LRP11: variants seen among roughly 807,000 people sequenced by gnomAD.
LRP11 encodes the protein LDL receptor related protein 11.
A neutral mutation model predicts 43.1 loss-of-function variants in LRP11; 25 were observed. The ratio of observed to expected loss-of-function variants is 0.58; its 90% confidence interval spans 0.42 to 0.81. The LOEUF is 0.81. LRP11 is among the 30% of genes least tolerant of loss of function. The pLI is 0.00. For missense variants in LRP11, 623 were observed against 665.1 expected (o/e 0.94, Z 0.70); for synonymous variants, 316 against 299.4 (o/e 1.06, Z -0.57).
chr6:149,859,396 A>ATATATATATATATTTTTTTTTTTTTTT, intron 1 of LRP11, among the ~76,000 whole-genome samples: 1 of 71,494 alleles, frequency 1.4e-5, no homozygotes, highest in African/African-American at 8.2e-5. Context: ...ATATATATAT[A>ATATATATATATATTTTTTTTTTTTTTT]TTTTTTTTTT....
chr6:149,819,683 TCAA>T lies in LRP11; in HGVS notation c.*863_*865del, dbSNP rs1364767741. 2 of 142,306 alleles carry T rather than the reference TCAA, an allele frequency of 1.4e-5. No individual in the cohort carries two copies. Among genetic ancestry groups the T allele is most frequent in the Admixed American group, 1.3e-4 (2 of 15,138 alleles). 8.8% of individuals were successfully genotyped at this position (142,306 alleles called of 1,614,324 possible). A position where few individuals can be genotyped will look rare whatever the true frequency, so the allele number is the denominator to read the frequency against. ...TCCTCTCTTCAATTGTCGTTTTTCA[TCAA>T]CAAAGCCTATATATATATATATAAA... On this transcript the variant is annotated 3_prime_UTR_variant, in exon 7 of 7. Coordinates refer to ENST00000239367, the MANE Select transcript of LRP11 (RefSeq NM_032832.6).
intron 5 of LRP11, 72 bp from the exon 6 acceptor site, chr6:149,826,431 C>T (rs1776340496): frequency 4.6e-6 from 5 of 1,080,186 alleles, no homozygotes; most frequent in Non-Finnish European, 5.6e-6. Flanking sequence ...TGTGAAAATA[C>T]AGCCTTATTT....
rs1332233459 is a variant in LRP11 at position 149,863,966 on chromosome 6, G to A, written c.55C>T (p.His19Tyr). Residue 19 changes from histidine to tyrosine, a missense_variant, in exon 1 of 7, where the codon CAC becomes TAC. His to Tyr is a moderately conservative substitution (Grantham distance 83). Transcript: ENST00000239367. ...AGSQRRLPPR[H>Y]GALRGLLLLC... ...AGTAGCAGCCCGCGCAGCGCCCCGTGACGCGGCGGTAGCCGGCGCTGCGAG... is the reference window on the plus strand; with the variant it reads ...AGTAGCAGCCCGCGCAGCGCCCCGTAACGCGGCGGTAGCCGGCGCTGCGAG... 7.0e-7 allele frequency: 1 copy of A among 1,425,796 alleles called. No individual in the cohort carries two copies. The highest frequency in any genetic ancestry group is 1.4e-5 in the South Asian group (1 of 69,628). The allele number at this position is 1,425,796 out of a possible 1,614,324, so 88.3% of individuals were successfully genotyped here. A position where few individuals can be genotyped will look rare whatever the true frequency, so the allele number is the denominator to read the frequency against.
chr6:149,861,508 C>A (rs912801031), intron 1 of LRP11, among the ~76,000 whole-genome samples: 1 of 152,094 alleles, frequency 6.6e-6, no homozygotes, highest in African/African-American at 2.4e-5. Context: ...CTCATAGTAA[C>A]CTGAAGTTTT....
chr6:149,819,012 G>C lies in LRP11; in HGVS notation c.*1537C>G, dbSNP rs1776245177. ...TGCACAGCATCACATATAGAGTACA[G>C]ACATCTTAAGTTCATTCACAAAGTT... On this transcript the variant is annotated 3_prime_UTR_variant, in exon 7 of 7. Transcript: ENST00000239367. 1 of 152,492 alleles carries C rather than the reference G, an allele frequency of 6.6e-6. No homozygotes were observed. Among genetic ancestry groups the C allele is most frequent in the Non-Finnish European group, 1.5e-5 (1 of 68,010 alleles). The allele number at this position is 152,492 out of a possible 1,614,324, so 9.4% of individuals were successfully genotyped here. A position where few individuals can be genotyped will look rare whatever the true frequency, so the allele number is the denominator to read the frequency against.
At chr6:149,826,391 G>A in intron 5 of LRP11, 32 bp from the exon 6 acceptor site, 2 of 1,479,534 alleles carry the variant, frequency 1.4e-6, no homozygotes, top group South Asian at 1.2e-5. Flanking sequence ...TATATTGAAG[G>A]TGTATGCATC....
chr6:149,828,140 A>C (rs1431750332), intron 5 of LRP11, among the ~76,000 whole-genome samples: 1 of 151,950 alleles, frequency 6.6e-6, no homozygotes, highest in Non-Finnish European at 1.5e-5. Flanking sequence ...GCAGTGAGCC[A>C]AGATCATGCC....
At position 149,820,402 on chromosome 6, in the gene LRP11, T is replaced by TG. The variant is rs1776263217; in HGVS notation, c.*146_*147insC. ...TTTATGACTTCTAAGGAAACTTTTTTTACAATAAATAATAAAGAAAGATTT... is the reference window on the plus strand; with the variant it reads ...TTTATGACTTCTAAGGAAACTTTTTTGTACAATAAATAATAAAGAAAGATTT... On this transcript the variant is annotated 3_prime_UTR_variant, in exon 7 of 7. Transcript: ENST00000239367. The TG allele has an allele frequency of 2.1e-6, 1 of 476,640 alleles. No individual in the cohort carries two copies. The highest frequency in any genetic ancestry group is 3.7e-6 in the Non-Finnish European group (1 of 268,722). The allele number at this position is 476,640 out of a possible 1,614,324, so 29.5% of individuals were successfully genotyped here. A position where few individuals can be genotyped will look rare whatever the true frequency, so the allele number is the denominator to read the frequency against.
intron 4 of LRP11, 125 bp from the exon 5 acceptor site, chr6:149,836,422 A>G: frequency 2.6e-6 from 2 of 759,776 alleles, no homozygotes; most frequent in Non-Finnish European, 2.2e-6. Flanking sequence ...CTCATCTAAG[A>G]CATGTCAGAG....
intron 2 of LRP11, among the ~76,000 whole-genome samples, chr6:149,847,066 C>A (rs1366926545): frequency 6.6e-6 from 1 of 152,134 alleles, no homozygotes; most frequent in Non-Finnish European, 1.5e-5. Flanking sequence ...ATCCATGAGG[C>A]TGCTGGCGTC....
intron 1 of LRP11, among the ~76,000 whole-genome samples, chr6:149,855,383 C>T (rs970115769): frequency 6.6e-6 from 1 of 152,130 alleles, no homozygotes; most frequent in Admixed American, 6.5e-5. Flanking sequence ...AAAGATTAGA[C>T]TGAATGAAAC....
intron 6 of LRP11, among the ~76,000 whole-genome samples, chr6:149,821,992 C>T (rs1055614043): frequency 3.3e-5 from 5 of 152,164 alleles, no homozygotes; most frequent in African/African-American, 7.2e-5. Flanking sequence ...ATTCTCACAA[C>T]CACCACATAA....
intron 4 of LRP11, among the ~76,000 whole-genome samples, chr6:149,836,926 T>C (rs1286518763): frequency 6.6e-6 from 1 of 152,164 alleles, no homozygotes; most frequent in Non-Finnish European, 1.5e-5. Context: ...TTTTCTTCAG[T>C]TTTTCTTCTT....
At chr6:149,826,195 C>T (rs1467899897) in intron 6 of LRP11, 69 bp downstream of exon 6, 3 of 1,180,192 alleles carry the variant, frequency 2.5e-6, no homozygotes, top group Middle Eastern at 1.9e-4. Context: ...CAGGGAATAT[C>T]CTCAGCCAGA....
intron 3 of LRP11, among the ~76,000 whole-genome samples, chr6:149,838,588 G>A (rs1776503574): frequency 6.6e-6 from 1 of 151,250 alleles, no homozygotes; most frequent in African/African-American, 2.4e-5. Flanking sequence ...GGGAGGCTGA[G>A]ACAGGAGAAT....
intron 1 of LRP11, among the ~76,000 whole-genome samples, chr6:149,859,281 G>A (rs1304669459): frequency 2.7e-5 from 4 of 149,806 alleles, no homozygotes; most frequent in Non-Finnish European, 5.9e-5. Context: ...TGATTCTAAG[G>A]TCGAACATTT....
At chr6:149,860,838 C>A (rs1364520348) in intron 1 of LRP11, among the ~76,000 whole-genome samples, 2 of 152,176 alleles carry the variant, frequency 1.3e-5, no homozygotes, top group African/African-American at 2.4e-5. Context: ...AGTTCAGGCT[C>A]CACAACCCCA....
chr6:149,849,967 G>A (rs1435783840), intron 2 of LRP11, among the ~76,000 whole-genome samples: 1 of 152,146 alleles, frequency 6.6e-6, no homozygotes, highest in African/African-American at 2.4e-5. Context: ...GAGGCAAAGG[G>A]AGAGATCACT....
At chr6:149,850,568 G>C (rs932132734) in intron 2 of LRP11, among the ~76,000 whole-genome samples, 1 of 152,198 alleles carries the variant, frequency 6.6e-6, no homozygotes, top group Non-Finnish European at 1.5e-5. Flanking sequence ...ATGCCAAAAA[G>C]AAGTTGCTAG....
Sources: gnomAD v4.1 joint callset for allele counts (sites outside exome capture counted in the v4.1 genomes callset) on GRCh38, gnomAD v4.1.1 for gene constraint, MANE v1.5 for transcripts, NCBI Gene and HGNC (gene_info 2026-07-23, HGNC 2026-07-21) for gene names.